Variants in SERAC1 observed in about 807,000 individuals in gnomAD.
The protein encoded by SERAC1 is serine active site containing 1.
A neutral mutation model predicts 85.7 loss-of-function variants in SERAC1; 36 were observed. The observed-to-expected ratio is 0.42, with a 90% CI of 0.32 to 0.55. SERAC1 has a LOEUF of 0.55. Among genes scored for constraint, SERAC1 ranks in the 20% least tolerant of loss-of-function variants. The pLI is 0.11. For missense variants in SERAC1, 629 were observed against 796.2 expected, an observed-to-expected ratio of 0.79 and a Z score of 2.53; for synonymous variants, 242 against 265.3, an observed-to-expected ratio of 0.91 and a Z score of 0.85.
At chr6:158,156,459 T>C (rs138928049) in intron 2 of SERAC1, among the ~76,000 whole-genome samples, 431 of 152,142 alleles carry the variant, frequency 2.8e-3, no homozygotes, top group Non-Finnish European at 4.5e-3. Context: ...CAAAATGGCT[T>C]TTGGCCCTCT....
intron 3 of SERAC1, 96 bp downstream of exon 3, chr6:158,155,219 C>A (rs990994416): frequency 3.8e-6 from 3 of 789,808 alleles, no homozygotes; most frequent in African/African-American, 3.5e-5. Flanking sequence ...AAAATCTATA[C>A]CCTTTCAAGA....
rs1784113934 is a variant in SERAC1, at chr6:158,110,293, A to C, written c.*1073T>G. The C allele has an allele frequency of 6.6e-6, 1 of 152,150 alleles. No individual in the cohort carries two copies. The highest frequency in any genetic ancestry group is 2.1e-4 in the South Asian group (1 of 4,816). 9.4% of individuals were successfully genotyped at this position (152,150 alleles called of 1,614,324 possible). A position where few individuals can be genotyped will look rare whatever the true frequency, so the allele number is the denominator to read the frequency against. The stretch of plus-strand genomic sequence containing the variant: ...CCTAGCTGCTTGGGAGGCTGAAGCA[A>C]AAGGATCTCTTGAGCCCAGGAGTTT... On this transcript the variant is annotated 3_prime_UTR_variant, in exon 17 of 17. Transcript: ENST00000647468.
chr6:158,140,351 A>C (rs1784888080), intron 8 of SERAC1, among the ~76,000 whole-genome samples: 1 of 152,206 alleles, frequency 6.6e-6, no homozygotes, highest in African/African-American at 2.4e-5. Context: ...TGAGTCAATC[A>C]ATCATGCCAA....
At chr6:158,165,838 C>T (rs1785586793) in intron 1 of SERAC1, among the ~76,000 whole-genome samples, 1 of 152,176 alleles carries the variant, frequency 6.6e-6, no homozygotes, top group African/African-American at 2.4e-5. Context: ...CACTGCTACA[C>T]TCTTGTCTAG....
intron 3 of SERAC1, among the ~76,000 whole-genome samples, chr6:158,151,617 G>A (rs2128422725): frequency 6.6e-6 from 1 of 152,102 alleles, no homozygotes; most frequent in African/African-American, 2.4e-5. Context: ...AGTAGAGATG[G>A]GGTTTCGCCA....
At chr6:158,158,167 G>A in intron 2 of SERAC1, 106 bp downstream of exon 2, 1 of 745,792 alleles carries the variant, frequency 1.3e-6, no homozygotes, top group South Asian at 1.8e-5. Flanking sequence ...AAACAAATTT[G>A]AGATTTAATC....
chr6:158,153,302 G>A (rs766951955), intron 3 of SERAC1, among the ~76,000 whole-genome samples: 7 of 152,112 alleles, frequency 4.6e-5, no homozygotes, highest in South Asian at 4.1e-4. Flanking sequence ...TTAGATTTTC[G>A]TATAGTATGC....
chr6:158,130,804 T>C (rs2128415967), intron 8 of SERAC1, among the ~76,000 whole-genome samples: 1 of 152,346 alleles, frequency 6.6e-6, no homozygotes, highest in Middle Eastern at 3.4e-3. Flanking sequence ...TAGTGTCATC[T>C]CTTTCAGCCC....
rs753181670 is a variant in SERAC1 at position 158,143,305 on chromosome 6, GTCTCTCTCTCTCTCTCTC to G, written c.610-139_610-122del. 1,784 of 605,996 alleles carry G rather than the reference GTCTCTCTCTCTCTCTCTC, an allele frequency of 2.9e-3. 72 individuals carry two copies. Among genetic ancestry groups the G allele is most frequent in the South Asian group, 9.5e-3 (281 of 29,442 alleles). The allele number at this position is 605,996 out of a possible 1,614,324, so 37.5% of individuals were successfully genotyped here. A position where few individuals can be genotyped will look rare whatever the true frequency, so the allele number is the denominator to read the frequency against. ...TCAAAGCCATATATTATGTGTGCAT[GTCTCTCTCTCTCTCTCTC>G]TCTCTCTCTCTCTCTCTCTCTCTCT... On this transcript the variant is annotated intron_variant, in intron 7 of 16. Coordinates refer to ENST00000647468, the MANE Select transcript of SERAC1 (RefSeq NM_032861.4).
intron 8 of SERAC1, among the ~76,000 whole-genome samples, chr6:158,139,788 A>C (rs1225181309): frequency 6.6e-6 from 1 of 152,226 alleles, no homozygotes; most frequent in Non-Finnish European, 1.5e-5. Context: ...CAAGGATTTG[A>C]ATAGGTATTT....
rs1005620330 is a variant in SERAC1, at chr6:158,150,439, T to C, written c.265+14A>G. ...TTCCATTTTTCACAGAGGATTACTT[T>C]ACAATAAACTTACCATGATTTTCTC... is the stretch of plus-strand genomic sequence containing the variant. On this transcript the variant is annotated intron_variant, in intron 4 of 16. Transcript: ENST00000647468. 1.3e-6 allele frequency: 2 copies of C among 1,545,342 alleles called. No individual in the cohort carries two copies. Among genetic ancestry groups the C allele is most frequent in the Admixed American group, 3.5e-5 (2 of 56,956 alleles).
intron 2 of SERAC1, among the ~76,000 whole-genome samples, chr6:158,156,331 A>G (rs1287859407): frequency 6.6e-6 from 1 of 152,146 alleles, no homozygotes; most frequent in Non-Finnish European, 1.5e-5. Flanking sequence ...ACCCAAAAAT[A>G]TTCAAATTCC....
At chr6:158,155,730 C>A (rs989528013) in intron 2 of SERAC1, among the ~76,000 whole-genome samples, 1 of 152,178 alleles carries the variant, frequency 6.6e-6, no homozygotes, top group African/African-American at 2.4e-5. Flanking sequence ...GAAGCATTGT[C>A]CCTATCACTA....
intron 10 of SERAC1, among the ~76,000 whole-genome samples, chr6:158,124,223 A>C (rs1277421265): frequency 2.0e-5 from 3 of 152,204 alleles, no homozygotes; most frequent in African/African-American, 7.2e-5. Flanking sequence ...CCACCTCATC[A>C]ATGAACCTGT....
chr6:158,148,568 G>A (rs9364823), intron 5 of SERAC1, among the ~76,000 whole-genome samples: 46,160 of 151,616 alleles, frequency 0.3, 8,292 homozygotes, highest in Admixed American at 0.51. Context: ...TCAGCCTTCC[G>A]AGTAGCTGGG....
chr6:158,150,251 G>C (rs1785170806), intron 4 of SERAC1, among the ~76,000 whole-genome samples: 1 of 152,198 alleles, frequency 6.6e-6, no homozygotes, highest in Admixed American at 6.5e-5. Flanking sequence ...TTAATTTTAG[G>C]AGAGTTGCAA....
At chr6:158,141,100 A>AT (rs1176452594) in intron 8 of SERAC1, among the ~76,000 whole-genome samples, 1 of 152,262 alleles carries the variant, frequency 6.6e-6, no homozygotes, top group Non-Finnish European at 1.5e-5. Context: ...ACAATGGACT[A>AT]TTACTTGGCC....
intron 8 of SERAC1, among the ~76,000 whole-genome samples, chr6:158,135,348 A>T (rs1171937415): frequency 6.6e-6 from 1 of 152,180 alleles, no homozygotes; most frequent in Non-Finnish European, 1.5e-5. Context: ...CCTGATCAAC[A>T]TGGTGACATC....
chr6:158,146,704 C>G, intron 6 of SERAC1, 78 bp downstream of exon 6: 1 of 1,574,840 alleles, frequency 6.3e-7, no homozygotes, highest in East Asian at 2.3e-5. Flanking sequence ...GCCACCGCAC[C>G]TGGCCACTCC....
Sources: gnomAD v4.1 joint callset for allele counts (sites outside exome capture counted in the v4.1 genomes callset) on GRCh38, gnomAD v4.1.1 for gene constraint, MANE v1.5 for transcripts, NCBI Gene and HGNC (gene_info 2026-07-23, HGNC 2026-07-21) for gene names.